Variants in ZNF385C observed in about 807,000 individuals in gnomAD.
ZNF385C encodes the protein CTD-2132N18.2.
Under a neutral mutation model 35.4 loss-of-function variants are expected in ZNF385C, and 28 were observed. The ratio of observed to expected loss-of-function variants is 0.79; its 90% CI spans 0.59 to 1.08. ZNF385C has a LOEUF of 1.08. ZNF385C is among the 50% of genes least tolerant of loss of function. ZNF385C has a pLI of 0.00. For missense variants in ZNF385C, 605 were observed against 595.6 expected (o/e 1.02, Z -0.16); for synonymous variants, 248 against 248.2 (o/e 1.00, Z 0.01).
At chr17:42,035,681 A>G (rs1053741057) in intron 3 of ZNF385C, among the ~76,000 whole-genome samples, 1 of 150,188 alleles carries the variant, frequency 6.7e-6, no homozygotes, top group Non-Finnish European at 1.5e-5. Context: ...CCTCCCGAGT[A>G]GCTGGGATTA....
intron 2 of ZNF385C, among the ~76,000 whole-genome samples, chr17:42,052,216 G>A (rs1229999436): frequency 6.6e-6 from 1 of 152,210 alleles, no homozygotes; most frequent in Non-Finnish European, 1.5e-5. Context: ...AGGTCCAACC[G>A]AGGCTGGGGC....
chr17:42,072,932 G>A (rs1555658990), intron 1 of ZNF385C, among the ~76,000 whole-genome samples: 2 of 152,128 alleles, frequency 1.3e-5, no homozygotes, highest in South Asian at 2.1e-4. Context: ...CCCCAAACTG[G>A]CTGCCTTCCC....
At chr17:42,092,634 C>T (rs548872541) in intron 1 of ZNF385C, among the ~76,000 whole-genome samples, 12 of 152,290 alleles carry the variant, frequency 7.9e-5, no homozygotes, top group Admixed American at 3.3e-4. Context: ...GGAGAGTGGG[C>T]AGGCTTCTCC....
chr17:42,032,050 G>GTTA (rs2052742032), intron 4 of ZNF385C, among the ~76,000 whole-genome samples: 1 of 152,166 alleles, frequency 6.6e-6, no homozygotes, highest in African/African-American at 2.4e-5. Flanking sequence ...TTTTGTTGTT[G>GTTA]TTGTTGTTGT....
At chr17:42,086,267 C>CT (rs1321791084) in intron 1 of ZNF385C, among the ~76,000 whole-genome samples, 1 of 151,930 alleles carries the variant, frequency 6.6e-6, no homozygotes, top group African/African-American at 2.4e-5. Context: ...TGGCACACCC[C>CT]TGTAAGCCTA....
chr17:42,037,856 G>C lies in ZNF385C; in HGVS notation c.280C>G (p.Leu94Val), dbSNP rs1327803304. 1.7e-5 allele frequency: 26 copies of C among 1,517,484 alleles called. No homozygotes were observed. The South Asian group carries it at 3.2e-4, about 19-fold the overall frequency. The allele number at this position is 1,517,484 out of a possible 1,614,324, so 94.0% of individuals were successfully genotyped here. A position where few individuals can be genotyped will look rare whatever the true frequency, so the allele number is the denominator to read the frequency against. Residue 94 changes from leucine to valine, a missense_variant, in exon 3 of 9, where the codon CTG (leucine) becomes GTG (valine). Coordinates refer to ENST00000692273, the MANE Select transcript of ZNF385C (RefSeq NM_001392013.1). ...AGPASGAPSP[L>V]LASLPLPTRP... is the part of the protein sequence containing the mutation. ...GTGGGCAGGGGCAGGGAGGCCAGCAGGGGGCTGGGGGCGCCGGAGGCCGGG... is the reference window on the plus strand; with the variant it reads ...GTGGGCAGGGGCAGGGAGGCCAGCACGGGGCTGGGGGCGCCGGAGGCCGGG...
At chr17:42,040,137 C>A (rs1234411659) in intron 2 of ZNF385C, 3 of 1,231,348 alleles carry the variant, frequency 2.4e-6, no homozygotes, top group African/African-American at 1.6e-5. Flanking sequence ...GCGTGCCCAG[C>A]TCCTCCGGCG....
intron 2 of ZNF385C, among the ~76,000 whole-genome samples, chr17:42,057,973 C>T (rs1236908477): frequency 6.6e-6 from 1 of 151,794 alleles, no homozygotes; most frequent in Non-Finnish European, 1.5e-5. Flanking sequence ...AAAGGGCTTC[C>T]TGGGCAGGAG....
chr17:42,067,853 A>G (rs2053570146), intron 1 of ZNF385C, among the ~76,000 whole-genome samples: 2 of 152,142 alleles, frequency 1.3e-5, no homozygotes, highest in Admixed American at 1.3e-4. Flanking sequence ...TTTCCTGGCC[A>G]TGCCAAGGAG....
intron 2 of ZNF385C, chr17:42,039,592 C>A: frequency 1.9e-6 from 2 of 1,029,522 alleles, no homozygotes; most frequent in African/African-American, 3.3e-5. Flanking sequence ...GGCCTCAGGC[C>A]CCTGGGAGGC....
At chr17:42,047,029 A>ATTT (rs60694132) in intron 2 of ZNF385C, among the ~76,000 whole-genome samples, 11 of 116,604 alleles carry the variant, frequency 9.4e-5, no homozygotes, top group African/African-American at 3.6e-4. Context: ...TGCCCGGCTA[A>ATTT]TTTTTTTTTT....
At position 42,028,205 on chromosome 17, in the gene ZNF385C, G is replaced by C; in HGVS notation, c.1009C>G (p.Pro337Ala). The C allele has an allele frequency of 6.4e-7, 1 of 1,568,154 alleles. No individual in the cohort carries two copies. The highest frequency in any genetic ancestry group is 8.6e-7 in the Non-Finnish European group (1 of 1,159,260). ...RWMMEGQRGA[P>A]RRSRGRPVSR... is the part of the protein sequence containing the mutation. Reference sequence around the variant, plus strand: ...ACCGGGCGGCCCCGGCTCCTCCGGGGAGCCCCTCGCTGACCTTCCATCATC... The same window carrying C: ...ACCGGGCGGCCCCGGCTCCTCCGGGCAGCCCCTCGCTGACCTTCCATCATC... Residue 337 changes from proline to alanine, a missense_variant, in exon 7 of 9, where the codon CCC (proline) becomes GCC (alanine). By Grantham distance (27) the Pro-to-Ala change is conservative (BLOSUM62 -1). Transcript: ENST00000692273.
intron 2 of ZNF385C, among the ~76,000 whole-genome samples, chr17:42,060,359 G>A (rs756039651): frequency 2.0e-5 from 3 of 152,096 alleles, no homozygotes; most frequent in Admixed American, 6.6e-5. Context: ...TGCTCAAACC[G>A]CTTCTGCAAT....
Position 42,059,528 on chromosome 17 carries a change from G to A in ZNF385C, c.250+3279C>T, listed in dbSNP as rs115272179. 7.8e-3 allele frequency among the ~76,000 whole-genome samples: 1,186 copies of A among 152,344 alleles called. 18 individuals are homozygous for A. The highest frequency in any genetic ancestry group is 0.027 in the African/African-American group (1,138 of 41,562). On this transcript the variant is annotated intron_variant, in intron 2 of 8. Transcript: ENST00000692273. Reference sequence around the variant, plus strand: ...CTGAGGGGCATGGGGACTGTGGGAAGAGGAAAACCAGGTAGAGGGGGAGTC... The same window carrying A: ...CTGAGGGGCATGGGGACTGTGGGAAAAGGAAAACCAGGTAGAGGGGGAGTC...
intron 5 of ZNF385C, 39 bp downstream of exon 5, chr17:42,031,580 G>C (rs782067723): frequency 6.6e-7 from 1 of 1,522,494 alleles, no homozygotes; most frequent in South Asian, 1.2e-5. Context: ...AACCAGATTT[G>C]GAGTGGAGAC....
At chr17:42,075,773 C>T (rs2053678506) in intron 1 of ZNF385C, among the ~76,000 whole-genome samples, 1 of 152,164 alleles carries the variant, frequency 6.6e-6, no homozygotes, top group South Asian at 2.1e-4. Context: ...GGATTACAGG[C>T]GTGAGCCACT....
chr17:42,067,791 T>C (rs1337094804), intron 1 of ZNF385C, among the ~76,000 whole-genome samples: 1 of 152,050 alleles, frequency 6.6e-6, no homozygotes, highest in East Asian at 1.9e-4. Context: ...GTGCAAGTGT[T>C]GGTGGGGGGA....
At chr17:42,043,337 T>C in intron 2 of ZNF385C, 1 of 1,232,254 alleles carries the variant, frequency 8.1e-7, no homozygotes, top group Non-Finnish European at 1.0e-6. Flanking sequence ...TTGTTGGAGT[T>C]GGAGGCCTCT....
rs963704143 is a variant in ZNF385C, at chr17:42,095,314, G to A, written c.-3+3096C>T. ...ATTCCCGCTGGGGATGACCCCCGCC[G>A]CCTGGCCAGCTGACCCCACAGTCTC... is the stretch of plus-strand genomic sequence containing the variant. On this transcript the variant is annotated intron_variant, in intron 1 of 8. Coordinates refer to ENST00000692273, the MANE Select transcript of ZNF385C (RefSeq NM_001392013.1). This position sits in a 1 kb window ranked among gnomAD's most constrained non-coding sequence, Gnocchi z 4.4. Among the ~76,000 whole-genome samples the A allele has an allele frequency of 2.3e-4, 35 of 152,078 alleles. No homozygotes were observed. Among genetic ancestry groups the A allele is most frequent in the African/African-American group, 8.2e-4 (34 of 41,414 alleles).
Sources: gnomAD v4.1 joint callset for allele counts (sites outside exome capture counted in the v4.1 genomes callset) on GRCh38, gnomAD v4.1.1 for gene constraint, Gnocchi (gnomAD v3.1) non-coding constraint, MANE v1.5 for transcripts, NCBI Gene and HGNC (gene_info 2026-07-23, HGNC 2026-07-21) for gene names.